The following RAB11FIP4 variants were observed in gnomAD, a reference collection of about 807,000 sequenced individuals.
RAB11FIP4 encodes the protein rab11 family-interacting protein 4.
RAB11FIP4 carries 23 observed loss-of-function variants against 74.3 expected under a neutral mutation model. The ratio of observed to expected loss-of-function variants is 0.31; its 90% CI spans 0.22 to 0.44. RAB11FIP4 has a LOEUF of 0.44. RAB11FIP4 is among the 20% of genes least tolerant of loss of function. The pLI is 1.00. For missense variants in RAB11FIP4, 630 were observed against 863.9 expected (o/e 0.73, Z 3.39); for synonymous variants, 360 against 359.9 (o/e 1.00, Z 0.00).
chr17:31,454,494 G>A (rs1284847442), intron 3 of RAB11FIP4, among the ~76,000 whole-genome samples: 3 of 151,926 alleles, frequency 2.0e-5, no homozygotes, highest in Non-Finnish European at 2.9e-5. Context: ...GGTTGTTCTC[G>A]AACCCATGAC....
rs567160362 is a variant in RAB11FIP4, at chr17:31,472,179, G to T, written c.336+38057G>T. Among the ~76,000 whole-genome samples, 3 of 144,742 alleles carry T rather than the reference G, an allele frequency of 2.1e-5. No homozygotes were observed. In the South Asian group the frequency reaches 6.5e-4, roughly 32 times the overall value. 95.0% of individuals were successfully genotyped at this position (144,742 alleles called of 152,430 possible). A position where few individuals can be genotyped will look rare whatever the true frequency, so the allele number is the denominator to read the frequency against. On this transcript the variant is annotated intron_variant, in intron 3 of 14. Coordinates refer to ENST00000621161, the MANE Select transcript of RAB11FIP4 (RefSeq NM_032932.6). ...GTCTGTCTCAAAAAAAAAAAAAAAT[G>T]CAGAGTCACAGAACAGGAAAGGGGC...
chr17:31,451,944 A>T, intron 3 of RAB11FIP4, among the ~76,000 whole-genome samples: 1 of 152,024 alleles, frequency 6.6e-6, no homozygotes, highest in Admixed American at 6.6e-5. Flanking sequence ...GATACATGTG[A>T]TATTTCGATA....
chr17:31,465,285 T>C (rs2071673574), intron 3 of RAB11FIP4, among the ~76,000 whole-genome samples: 1 of 152,168 alleles, frequency 6.6e-6, no homozygotes, highest in Non-Finnish European at 1.5e-5. Context: ...AGTGTGTCCA[T>C]GTTAAATGCA....
chr17:31,478,969 C>A (rs1471712238), intron 3 of RAB11FIP4, among the ~76,000 whole-genome samples: 2 of 152,172 alleles, frequency 1.3e-5, no homozygotes, highest in African/African-American at 4.8e-5. Context: ...CCAGGCAATT[C>A]CGGTTGCTGT....
intron 3 of RAB11FIP4, among the ~76,000 whole-genome samples, chr17:31,446,375 G>A (rs1009608630): frequency 2.0e-5 from 3 of 152,000 alleles, no homozygotes; most frequent in African/African-American, 7.3e-5. Context: ...GTGTGTGTGC[G>A]GCCGAGCGTC....
chr17:31,530,520 C>T lies in RAB11FIP4; in HGVS notation c.1797+51C>T. On this transcript the variant is annotated intron_variant, in intron 14 of 14. Coordinates refer to ENST00000621161, the MANE Select transcript of RAB11FIP4 (RefSeq NM_032932.6). ...TGGGGCCTGGCCGCCCTCTGTGATT[C>T]CTTCTCCCGGCCCCCACCTGCCCAG... is the stretch of plus-strand genomic sequence containing the variant. 3 of 1,592,572 alleles carry T rather than the reference C, an allele frequency of 1.9e-6. No individual in the cohort carries two copies. The South Asian group carries it at 3.3e-5, about 18-fold the overall frequency.
At chr17:31,493,920 C>T (rs1311164013) in intron 3 of RAB11FIP4, among the ~76,000 whole-genome samples, 1 of 152,078 alleles carries the variant, frequency 6.6e-6, no homozygotes, top group Non-Finnish European at 1.5e-5. Context: ...TGTGTGTGCA[C>T]ACACGTGTGT....
intron 3 of RAB11FIP4, among the ~76,000 whole-genome samples, chr17:31,503,036 T>TATTTTG (rs141212580): frequency 4.6e-5 from 7 of 151,434 alleles, no homozygotes; most frequent in South Asian, 2.1e-4. Context: ...TTATTATTAT[T>TATTTTG]TTGTTGTTTG....
intron 1 of RAB11FIP4, among the ~76,000 whole-genome samples, chr17:31,402,911 C>T (rs749891010): frequency 6.6e-6 from 1 of 152,084 alleles, no homozygotes; most frequent in African/African-American, 2.4e-5. Flanking sequence ...AGGCGTGAGC[C>T]ACCGCGCCTG....
chr17:31,481,726 T>C (rs531985800), intron 3 of RAB11FIP4, among the ~76,000 whole-genome samples: 7 of 152,254 alleles, frequency 4.6e-5, no homozygotes, highest in East Asian at 1.9e-4. Context: ...GGGGGCTTGT[T>C]TGTTAGGGAG....
At chr17:31,453,995 TC>T (rs1198871058) in intron 3 of RAB11FIP4, among the ~76,000 whole-genome samples, 2 of 150,492 alleles carry the variant, frequency 1.3e-5, no homozygotes, top group East Asian at 2.0e-4. Flanking sequence ...CACAACCGCA[TC>T]CCCCCCAGCC....
Position 31,525,420 on chromosome 17 carries a change from G to A in RAB11FIP4, c.1274+190G>A, listed in dbSNP as rs542519570. 1.3e-5 allele frequency: 8 copies of A among 621,018 alleles called. No homozygotes were observed. In the East Asian group the frequency reaches 1.4e-4, roughly 11 times the overall value. 38.5% of individuals were successfully genotyped at this position (621,018 alleles called of 1,614,324 possible). On this transcript the variant is annotated intron_variant, in intron 10 of 14. Transcript: ENST00000621161. ...CAGAGGCATGCTCTTCAGGAAGTTCGCTAAGGAATGTTCCCAGGAGCGTGG... is the reference window on the plus strand; with the variant it reads ...CAGAGGCATGCTCTTCAGGAAGTTCACTAAGGAATGTTCCCAGGAGCGTGG...
intron 7 of RAB11FIP4, 137 bp from the exon 8 acceptor site, chr17:31,523,375 T>G (rs2072703927): frequency 1.1e-5 from 8 of 722,218 alleles, no homozygotes; most frequent in Admixed American, 1.0e-4. Flanking sequence ...ACATTCTTCC[T>G]CTCAGGCTGA....
chr17:31,443,045 A>G (rs942816631), intron 3 of RAB11FIP4, among the ~76,000 whole-genome samples: 4 of 152,080 alleles, frequency 2.6e-5, no homozygotes, highest in Non-Finnish European at 5.9e-5. Context: ...TCCCATCAGG[A>G]TTGCGTCAGA....
chr17:31,459,430 T>C (rs2071613452), intron 3 of RAB11FIP4, among the ~76,000 whole-genome samples: 1 of 152,132 alleles, frequency 6.6e-6, no homozygotes. Context: ...GGCCAGATAC[T>C]CTCATTCCTC....
At chr17:31,433,190 G>C (rs145063525) in intron 2 of RAB11FIP4, among the ~76,000 whole-genome samples, 1 of 152,294 alleles carries the variant, frequency 6.6e-6, no homozygotes, top group Non-Finnish European at 1.5e-5. Flanking sequence ...CACCAGCCAG[G>C]TGGACTTGCT....
At chr17:31,483,021 C>T (rs899800830) in intron 3 of RAB11FIP4, among the ~76,000 whole-genome samples, 3 of 151,728 alleles carry the variant, frequency 2.0e-5, no homozygotes, top group African/African-American at 4.8e-5. Context: ...GGTGAAACCC[C>T]GTCTCTACTA....
chr17:31,485,924 CTTA>C (rs900772713), intron 3 of RAB11FIP4, among the ~76,000 whole-genome samples: 3 of 152,080 alleles, frequency 2.0e-5, no homozygotes, highest in Non-Finnish European at 4.4e-5. Flanking sequence ...CATAGGTACT[CTTA>C]TTTTTTTTTT....
At chr17:31,437,467 G>C (rs2071370407) in intron 3 of RAB11FIP4, among the ~76,000 whole-genome samples, 1 of 152,110 alleles carries the variant, frequency 6.6e-6, no homozygotes, top group African/African-American at 2.4e-5. Context: ...GGGTCAGTCT[G>C]AGACTGAGAA....
Sources: gnomAD v4.1 joint callset for allele counts (sites outside exome capture counted in the v4.1 genomes callset) on GRCh38, gnomAD v4.1.1 for gene constraint, MANE v1.5 for transcripts, NCBI Gene and HGNC (gene_info 2026-07-23, HGNC 2026-07-21) for gene names.